Variants in PCDHGB5 observed in about 807,000 individuals in gnomAD.
The protein encoded by PCDHGB5 is protocadherin gamma subfamily B, 5.
A neutral mutation model predicts 62.9 loss-of-function variants in PCDHGB5; 48 were observed. The ratio of observed to expected loss-of-function variants is 0.76; its 90% CI spans 0.61 to 0.97. PCDHGB5 has a LOEUF of 0.97. Ranked by LOEUF, PCDHGB5 falls within the 50% of genes least tolerant of loss-of-function variation. PCDHGB5 has a pLI of 0.00. For missense variants in PCDHGB5, 1,118 were observed against 1,198.6 expected (o/e 0.93, Z 0.99); for synonymous variants, 474 against 511.2 (o/e 0.93, Z 0.98).
chr5:141,506,025 A>T (rs2099850088), intron 3 of PCDHGB5, among the ~76,000 whole-genome samples: 1 of 152,150 alleles, frequency 6.6e-6, no homozygotes, highest in African/African-American at 2.4e-5. Context: ...CCCTAACTCC[A>T]GAGTAGGATT....
At chr5:141,464,883 T>G (rs995385615) in intron 1 of PCDHGB5, among the ~76,000 whole-genome samples, 1 of 152,086 alleles carries the variant, frequency 6.6e-6, no homozygotes, top group African/African-American at 2.4e-5. Flanking sequence ...GGACTACAGA[T>G]GGATGCCACC....
intron 1 of PCDHGB5, among the ~76,000 whole-genome samples, chr5:141,479,789 T>C (rs888217885): frequency 3.3e-5 from 5 of 152,196 alleles, no homozygotes; most frequent in Non-Finnish European, 2.9e-5. Flanking sequence ...AAAGCATTCA[T>C]TAATTCAGGG....
chr5:141,422,304 A>C (rs1265775894), intron 1 of PCDHGB5: 2 of 1,548,406 alleles, frequency 1.3e-6, no homozygotes. Context: ...CAATTCTGGA[A>C]AACTCTCCTC....
At chr5:141,464,995 G>A (rs1330469198) in intron 1 of PCDHGB5, among the ~76,000 whole-genome samples, 1 of 151,962 alleles carries the variant, frequency 6.6e-6, no homozygotes, top group East Asian at 1.9e-4. Context: ...TCCCACCTCA[G>A]CCTCCCAAAG....
chr5:141,403,685 C>T, intron 1 of PCDHGB5: 4 of 1,613,822 alleles, frequency 2.5e-6, no homozygotes, highest in Non-Finnish European at 3.4e-6. Flanking sequence ...TTTTGCTCAA[C>T]GGATTTACCG....
rs891428609 is a variant in PCDHGB5, at chr5:141,503,553, C to T, written c.2457-1840C>T. Among the ~76,000 whole-genome samples the T allele has an allele frequency of 9.4e-5, 14 of 149,164 alleles. No homozygotes were observed. In the East Asian group the frequency reaches 2.2e-3, roughly 23 times the overall value. On this transcript the variant is annotated intron_variant, in intron 2 of 3. Coordinates refer to ENST00000617380, the MANE Select transcript of PCDHGB5 (RefSeq NM_018925.3). ...GGCAGAGGTTGCAGTGAGCCGAGAT[C>T]GCGCCACTGTACTCCAGCCTGGGTG...
rs1177173734 is a variant in PCDHGB5, at chr5:141,491,741, G to T, written c.2398-3066G>T. 1.3e-6 allele frequency: 2 copies of T among 1,595,762 alleles called. No individual in the cohort carries two copies. On this transcript the variant is annotated intron_variant, in intron 1 of 3. Transcript: ENST00000617380. This position sits in a 1 kb window ranked among gnomAD's most constrained non-coding sequence, Gnocchi z 6.9. ...CCGCCCCGGGCGACCCCTGGGGGCG[G>T]CACTGGAGAAGCCGCCCGTCCTCAT... is the stretch of plus-strand genomic sequence containing the variant.
At chr5:141,509,322 C>G (rs563556144) in intron 3 of PCDHGB5, among the ~76,000 whole-genome samples, 1 of 152,318 alleles carries the variant, frequency 6.6e-6, no homozygotes, top group East Asian at 1.9e-4. Flanking sequence ...GAGAGAAGCT[C>G]TACTGCCAGC....
chr5:141,418,781 G>C, intron 1 of PCDHGB5: 1 of 1,613,716 alleles, frequency 6.2e-7, no homozygotes, highest in African/African-American at 1.3e-5. Context: ...GCAGCCTTTG[G>C]ATTTTGAAGA....
intron 1 of PCDHGB5, chr5:141,418,840 C>T: frequency 6.2e-7 from 1 of 1,614,006 alleles, no homozygotes; most frequent in Middle Eastern, 1.6e-4. Context: ...GAGGATCTCT[C>T]TCAACACGGT....
intron 1 of PCDHGB5, chr5:141,428,308 G>A (rs2097132099): frequency 1.5e-6 from 1 of 685,734 alleles, no homozygotes; most frequent in Non-Finnish European, 2.6e-6. Context: ...TTACCTGGTC[G>A]TGGCCTTGGC....
intron 1 of PCDHGB5, chr5:141,440,587 A>G (rs566819394): frequency 1.3e-5 from 2 of 152,392 alleles, no homozygotes; most frequent in East Asian, 3.9e-4. Flanking sequence ...CCCAGCTGGA[A>G]CAAGATTTGC....
In PCDHGB5 at chr5:141,485,822, G is replaced by A. The variant is rs750883983; in HGVS notation, c.2398-8985G>A. 6.2e-7 allele frequency: 1 copy of A among 1,614,192 alleles called. No individual in the cohort carries two copies. The highest frequency in any genetic ancestry group is 1.1e-5 in the South Asian group (1 of 91,080). ...CCGCCTGGTGCTGACTGCTGTCGAT[G>A]GAGGGAACCCGCCGAGATCTGGCAC... On this transcript the variant is annotated intron_variant, in intron 1 of 3. Transcript: ENST00000617380. This position sits in a 1 kb window ranked among gnomAD's most constrained non-coding sequence, Gnocchi z 5.7.
In PCDHGB5 at chr5:141,409,417, G is replaced by A. The variant is rs774453166; in HGVS notation, c.2397+8893G>A. ...CTTCCAATAACTACTACAAACTGGT[G>A]ACAGATGGAGCCCTGGACCGAGAGC... On this transcript the variant is annotated intron_variant, in intron 1 of 3. Transcript: ENST00000617380. The A allele has an allele frequency of 5.6e-6, 9 of 1,613,880 alleles. No individual in the cohort carries two copies. The South Asian group carries it at 8.8e-5, about 16-fold the overall frequency.
intron 2 of PCDHGB5, among the ~76,000 whole-genome samples, chr5:141,500,027 G>C (rs1458308566): frequency 6.6e-6 from 1 of 151,808 alleles, no homozygotes; most frequent in Non-Finnish European, 1.5e-5. Flanking sequence ...ATATTTGAGT[G>C]AGTGTCTCTT....
intron 1 of PCDHGB5, among the ~76,000 whole-genome samples, chr5:141,461,838 T>G (rs1592748714): frequency 6.6e-6 from 1 of 151,980 alleles, no homozygotes; most frequent in African/African-American, 2.4e-5. Context: ...TTCTTTTTTT[T>G]TTGAGACAGA....
intron 1 of PCDHGB5, among the ~76,000 whole-genome samples, chr5:141,444,758 T>C (rs1430492886): frequency 1.3e-5 from 2 of 152,262 alleles, no homozygotes; most frequent in East Asian, 3.8e-4. Flanking sequence ...TATGTAGTTC[T>C]ATTTCTATAT....
chr5:141,483,870 G>C (rs548525439), intron 1 of PCDHGB5, among the ~76,000 whole-genome samples: 9 of 152,142 alleles, frequency 5.9e-5, no homozygotes, highest in Non-Finnish European at 1.3e-4. Context: ...TCCAGATCAG[G>C]ATGGATTTTT....
Position 141,499,370 on chromosome 5 carries a change from A to T in PCDHGB5, c.2456+4505A>T, listed in dbSNP as rs546430948. ...CATTCAACAAACAAATAGCAACTTA[A>T]TTTTTTTCCACTTATAAAATAGTAC... On this transcript the variant is annotated intron_variant, in intron 2 of 3. Coordinates refer to ENST00000617380, the MANE Select transcript of PCDHGB5 (RefSeq NM_018925.3). 2.0e-3 allele frequency among the ~76,000 whole-genome samples: 300 copies of T among 152,286 alleles called. 1 individual carries two copies. The highest frequency in any genetic ancestry group is 2.7e-3 in the Non-Finnish European group (184 of 68,028).
Sources: gnomAD v4.1 joint callset for allele counts (sites outside exome capture counted in the v4.1 genomes callset) on GRCh38, gnomAD v4.1.1 for gene constraint, Gnocchi (gnomAD v3.1) non-coding constraint, MANE v1.5 for transcripts, NCBI Gene and HGNC (gene_info 2026-07-23, HGNC 2026-07-21) for gene names.